SERPINB12: variants seen among roughly 807,000 people sequenced by gnomAD.
SERPINB12 encodes serpin B12.
Under a neutral mutation model 41.1 loss-of-function variants are expected in SERPINB12, and 57 were observed. That is an observed-to-expected ratio of 1.39 (90% confidence interval 1.12 to 1.73). The LOEUF (loss-of-function observed/expected upper bound fraction) is 1.73. SERPINB12 is among the 40% of genes most tolerant of loss of function. The pLI is 0.00. For missense variants in SERPINB12, 536 were observed against 501.9 expected (o/e 1.07, Z -0.65); for synonymous variants, 180 against 181.3 (o/e 0.99, Z 0.06).
At chr18:63,540,462 C>T (rs1290252648), upstream of SERPINB12, among the ~76,000 whole-genome samples, 2 of 152,112 alleles carry the variant, frequency 1.3e-5, no homozygotes, top group Non-Finnish European at 2.9e-5. Context: ...CTGATGGGAT[C>T]TCCCTGAAGA....
intron 1 of SERPINB12, among the ~76,000 whole-genome samples, chr18:63,547,851 T>C (rs1034483809): frequency 6.6e-6 from 1 of 152,158 alleles, no homozygotes; most frequent in Admixed American, 6.6e-5. Context: ...ATAAAGTTAA[T>C]ATGAAATGCT....
intron 2 of SERPINB12, 140 bp from the exon 3 acceptor site, chr18:63,558,212 C>A: frequency 1.1e-6 from 1 of 932,072 alleles, no homozygotes; most frequent in Non-Finnish European, 1.5e-6. Flanking sequence ...ACAGAAGCAC[C>A]CACTTTCCTT....
intron 1 of SERPINB12, among the ~76,000 whole-genome samples, chr18:63,551,412 G>A (rs1279267142): frequency 6.6e-6 from 1 of 151,938 alleles, no homozygotes; most frequent in African/African-American, 2.4e-5. Context: ...TGCAACCTCT[G>A]CCTCCCAGGT....
At chr18:63,524,122 A>G in the SERPINB12 span, among the ~76,000 whole-genome samples, 10 of 150,996 alleles carry the variant, frequency 6.6e-5, no homozygotes, top group Admixed American at 5.9e-4. Flanking sequence ...TAAAAGAAAA[A>G]CTTTTTTTTT....
chr18:63,535,631 T>A, the SERPINB12 span, among the ~76,000 whole-genome samples: 5 of 152,246 alleles, frequency 3.3e-5, no homozygotes, highest in African/African-American at 1.2e-4. Flanking sequence ...CTGAGAAAAC[T>A]GGACATAAAA....
chr18:63,554,755 A>G (rs1364344490), intron 1 of SERPINB12, among the ~76,000 whole-genome samples: 1 of 152,170 alleles, frequency 6.6e-6, no homozygotes, highest in Non-Finnish European at 1.5e-5. Context: ...CAAAGAGGAC[A>G]TTGAACCTGG....
chr18:63,552,149 G>A (rs1238923692), intron 1 of SERPINB12, among the ~76,000 whole-genome samples: 1 of 152,178 alleles, frequency 6.6e-6, no homozygotes, highest in Admixed American at 6.5e-5. Flanking sequence ...TTGTGTGCAT[G>A]CCATGATGTG....
intron 5 of SERPINB12, among the ~76,000 whole-genome samples, chr18:63,562,084 C>T (rs1910929913): frequency 6.6e-6 from 1 of 152,146 alleles, no homozygotes; most frequent in Admixed American, 6.5e-5. Context: ...TTAGATATTG[C>T]TGTTATTTAT....
rs74257024 is a variant in SERPINB12 at position 63,560,673 on chromosome 18, T to C, written c.445-412T>C. 0.029 allele frequency among the ~76,000 whole-genome samples: 4,342 copies of C among 151,726 alleles called. 291 individuals are homozygous for C. The East Asian group carries it at 0.29, about 10-fold the overall frequency. ...CCATCACCTTATCTATTTCTAAAAC[T>C]TTTTTTTTCATCACTCTAAACAGAA... On this transcript the variant is annotated intron_variant, in intron 4 of 7. Coordinates refer to ENST00000382768, the MANE Select transcript of SERPINB12 (RefSeq NM_001307928.2).
chr18:63,552,489 A>G (rs1015311217), intron 1 of SERPINB12, among the ~76,000 whole-genome samples: 1 of 152,364 alleles, frequency 6.6e-6, no homozygotes, highest in South Asian at 2.1e-4. Flanking sequence ...AAAGTGTTAT[A>G]TTTTAAAATT....
intron 4 of SERPINB12, among the ~76,000 whole-genome samples, chr18:63,560,134 G>A (rs117257395): frequency 4.6e-5 from 7 of 152,224 alleles, no homozygotes; most frequent in South Asian, 4.2e-4. Context: ...GGCTACCCCC[G>A]CAATGCAATT....
intron 5 of SERPINB12, among the ~76,000 whole-genome samples, chr18:63,563,238 A>G (rs564859651): frequency 2.0e-5 from 3 of 152,328 alleles, no homozygotes; most frequent in South Asian, 2.1e-4. Flanking sequence ...ATTTATGTGT[A>G]TTTTTGTTTA....
At chr18:63,563,792 C>T (rs1006982875) in intron 5 of SERPINB12, among the ~76,000 whole-genome samples, 186 bp from the exon 6 acceptor site, 9 of 151,630 alleles carry the variant, frequency 5.9e-5, no homozygotes, top group Non-Finnish European at 8.8e-5. Flanking sequence ...GTTACTCTGG[C>T]GGCTGAGGCA....
At chr18:63,552,546 C>T (rs995153519) in intron 1 of SERPINB12, among the ~76,000 whole-genome samples, 3 of 152,118 alleles carry the variant, frequency 2.0e-5, no homozygotes, top group Non-Finnish European at 2.9e-5. Context: ...TTAATGAGTG[C>T]TTCCTACAAA....
intron 1 of SERPINB12, among the ~76,000 whole-genome samples, chr18:63,554,068 A>G (rs73961723): frequency 0.076 from 11,503 of 152,216 alleles, 898 homozygotes; most frequent in East Asian, 0.29. Context: ...ATGCAAGATA[A>G]GAACTGTGAG....
the SERPINB12 span, among the ~76,000 whole-genome samples, chr18:63,536,873 T>C: frequency 0.025 from 3,778 of 152,236 alleles, 161 homozygotes; most frequent in African/African-American, 0.087. Context: ...AGAGAAGCAA[T>C]GCCAATCAAA....
intron 1 of SERPINB12, among the ~76,000 whole-genome samples, chr18:63,545,308 A>C (rs1388806399): frequency 6.6e-6 from 1 of 152,046 alleles, no homozygotes; most frequent in Non-Finnish European, 1.5e-5. Flanking sequence ...TGGCACTTGA[A>C]GTCACGGGTA....
intron 2 of SERPINB12, among the ~76,000 whole-genome samples, chr18:63,556,747 G>A (rs150276550): frequency 3.9e-5 from 6 of 152,274 alleles, no homozygotes; most frequent in African/African-American, 1.2e-4. Context: ...TGGCTAGAGA[G>A]CTTGGTGTCC....
chr18:63,566,163 G>C lies in SERPINB12; in HGVS notation c.874-444G>C, dbSNP rs561898064. On this transcript the variant is annotated intron_variant, in intron 7 of 7. Transcript: ENST00000382768. ...GTGAGAAAGGAATACCAATATAGCAGGTATAGTAGTTACAACATCAATAAC... is the reference window on the plus strand; with the variant it reads ...GTGAGAAAGGAATACCAATATAGCACGTATAGTAGTTACAACATCAATAAC... Among the ~76,000 whole-genome samples, 18 of 152,216 alleles carry C rather than the reference G, an allele frequency of 1.2e-4. No individual in the cohort carries two copies. The East Asian group carries it at 3.5e-3, about 29-fold the overall frequency.
Sources: allele counts gnomAD v4.1 joint callset (sites outside exome capture counted in the v4.1 genomes callset), GRCh38; gene constraint gnomAD v4.1.1; transcripts MANE v1.5; gene names NCBI Gene and HGNC (gene_info 2026-07-23, HGNC 2026-07-21).